The following ZBTB16 variants were observed in gnomAD, a reference collection of about 807,000 sequenced individuals.
The protein encoded by ZBTB16 is zinc finger and BTB domain containing 16.
A neutral mutation model predicts 56.8 loss-of-function variants in ZBTB16; 8 were observed. The ratio of observed to expected loss-of-function variants is 0.14; its 90% CI spans 0.08 to 0.25. The LOEUF (loss-of-function observed/expected upper bound fraction) is 0.25. ZBTB16 is among the 10% of genes least tolerant of loss of function. The pLI is 1.00. For missense variants in ZBTB16, 625 were observed against 903.0 expected (o/e 0.69, Z 3.95); for synonymous variants, 363 against 368.5 (o/e 0.98, Z 0.17).
chr11:114,094,081 C>T (rs560848419), intron 2 of ZBTB16, among the ~76,000 whole-genome samples: 18 of 152,138 alleles, frequency 1.2e-4, no homozygotes, highest in African/African-American at 4.1e-4. Context: ...TTTGGGAGGC[C>T]GAGGCAGGTG....
intron 4 of ZBTB16, among the ~76,000 whole-genome samples, chr11:114,209,050 C>T (rs941825233): frequency 6.6e-6 from 1 of 152,142 alleles, no homozygotes; most frequent in Non-Finnish European, 1.5e-5. Context: ...TGAGAACCAA[C>T]CACTTGTGCA....
chr11:114,193,116 T>C (rs1943536134), intron 4 of ZBTB16, among the ~76,000 whole-genome samples: 1 of 152,194 alleles, frequency 6.6e-6, no homozygotes, highest in African/African-American at 2.4e-5. Flanking sequence ...CCTTTTGTTT[T>C]TTCCCCAGAG....
At chr11:114,246,040 G>T (rs1454737192) in intron 5 of ZBTB16, among the ~76,000 whole-genome samples, 1 of 152,128 alleles carries the variant, frequency 6.6e-6, no homozygotes, top group Non-Finnish European at 1.5e-5. Context: ...GGATATGAAA[G>T]GCAAGATGGT....
chr11:114,083,956 T>C (rs900233506), intron 2 of ZBTB16, among the ~76,000 whole-genome samples: 1 of 152,190 alleles, frequency 6.6e-6, no homozygotes, highest in African/African-American at 2.4e-5. Context: ...CTTCTATCAC[T>C]GTTTCATCTG....
chr11:114,236,646 T>A (rs1050352029), intron 4 of ZBTB16, among the ~76,000 whole-genome samples: 1 of 152,222 alleles, frequency 6.6e-6, no homozygotes, highest in African/African-American at 2.4e-5. Flanking sequence ...TGAACTTTCC[T>A]CATCCCTAGC....
intron 2 of ZBTB16, among the ~76,000 whole-genome samples, chr11:114,076,203 C>T (rs552998376): frequency 6.6e-6 from 1 of 152,258 alleles, no homozygotes; most frequent in South Asian, 2.1e-4. Flanking sequence ...GAAATCTGTC[C>T]ATCTGTCTCT....
At chr11:114,142,276 C>T (rs2846026) in intron 2 of ZBTB16, among the ~76,000 whole-genome samples, 33,924 of 151,998 alleles carry the variant, frequency 0.22, 4,860 homozygotes, top group African/African-American at 0.41. Context: ...AAAACTTTTT[C>T]TCCTTCCCAC....
rs115086558 is a variant in ZBTB16 at position 114,164,672 on chromosome 11, G to A, written c.1366+8238G>A. 9.5e-3 allele frequency among the ~76,000 whole-genome samples: 1,440 copies of A among 152,278 alleles called. 17 individuals are homozygous for A. Among genetic ancestry groups the A allele is most frequent in the African/African-American group, 0.032 (1,337 of 41,556 alleles). On this transcript the variant is annotated intron_variant, in intron 3 of 6. Coordinates refer to ENST00000335953, the MANE Select transcript of ZBTB16 (RefSeq NM_006006.6). Reference sequence around the variant, plus strand: ...GGAAGCGTTCTTAGGAGGCCTGGCCGTGCTTTCTCTTGCCCTCAGCCCCAT... The same window carrying A: ...GGAAGCGTTCTTAGGAGGCCTGGCCATGCTTTCTCTTGCCCTCAGCCCCAT...
At chr11:114,240,253 T>C (rs1944674656) in intron 4 of ZBTB16, among the ~76,000 whole-genome samples, 1 of 152,160 alleles carries the variant, frequency 6.6e-6, no homozygotes, top group South Asian at 2.1e-4. Flanking sequence ...GGGCCTTGCC[T>C]GCCTACTAGT....
At chr11:114,091,624 TC>T (rs1343259859) in intron 2 of ZBTB16, among the ~76,000 whole-genome samples, 1 of 133,174 alleles carries the variant, frequency 7.5e-6, no homozygotes, top group African/African-American at 2.6e-5. Flanking sequence ...CTCCCTCCCT[TC>T]CTCCCTTCCT....
intron 2 of ZBTB16, among the ~76,000 whole-genome samples, chr11:114,082,733 C>T (rs923372174): frequency 9.2e-5 from 14 of 152,032 alleles, no homozygotes; most frequent in Non-Finnish European, 1.8e-4. Flanking sequence ...TGCCACCTCT[C>T]GGTGGGCGGG....
intron 2 of ZBTB16, among the ~76,000 whole-genome samples, chr11:114,091,912 C>T (rs150684451): frequency 2.0e-5 from 3 of 152,284 alleles, no homozygotes; most frequent in Non-Finnish European, 1.5e-5. Context: ...TTGATGCTTA[C>T]GAGTCATTGG....
intron 3 of ZBTB16, among the ~76,000 whole-genome samples, chr11:114,175,998 T>TGC (rs1555149109): frequency 2.0e-5 from 3 of 150,458 alleles, no homozygotes; most frequent in Middle Eastern, 3.4e-3. Flanking sequence ...TGTGTGTGTG[T>TGC]GTGCGTGCGT....
intron 4 of ZBTB16, among the ~76,000 whole-genome samples, chr11:114,240,013 A>G (rs1565704138): frequency 6.6e-6 from 1 of 152,232 alleles, no homozygotes; most frequent in African/African-American, 2.4e-5. Context: ...TGAACTGACA[A>G]CATAGATAAG....
intron 1 of ZBTB16, among the ~76,000 whole-genome samples, chr11:114,061,144 G>A (rs1331326223): frequency 2.1e-5 from 3 of 140,902 alleles, no homozygotes; most frequent in South Asian, 2.3e-4. Context: ...GGGTCGCTGG[G>A]AACTGGGGGG....
intron 2 of ZBTB16, among the ~76,000 whole-genome samples, chr11:114,087,854 C>T (rs530249061): frequency 2.0e-5 from 3 of 152,208 alleles, no homozygotes; most frequent in Non-Finnish European, 4.4e-5. Context: ...CCCCTGAAGG[C>T]AGGGACCATC....
At chr11:114,097,319 G>A (rs1940453579) in intron 2 of ZBTB16, among the ~76,000 whole-genome samples, 1 of 152,176 alleles carries the variant, frequency 6.6e-6, no homozygotes, top group South Asian at 2.1e-4. Flanking sequence ...GGAATGGGGA[G>A]TTAAGGTTGA....
At chr11:114,142,213 G>A (rs539810283) in intron 2 of ZBTB16, among the ~76,000 whole-genome samples, 34 of 152,316 alleles carry the variant, frequency 2.2e-4, no homozygotes, top group South Asian at 6.2e-4. Context: ...TAAGGATTAA[G>A]GCATTGTGTG....
rs1944749008 is a variant in ZBTB16 at position 114,243,233 on chromosome 11, T to C, written c.1624+896T>C. Among the ~76,000 whole-genome samples the C allele has an allele frequency of 2.6e-5, 4 of 151,996 alleles. No individual in the cohort carries two copies. The South Asian group carries it at 8.3e-4, about 32-fold the overall frequency. On this transcript the variant is annotated intron_variant, in intron 5 of 6. Coordinates refer to ENST00000335953, the MANE Select transcript of ZBTB16 (RefSeq NM_006006.6). ...TTGTGTGCTGTGTTTGTAGGGAGGG[T>C]TGGGGTCAGGTCTCTATCTGGGTAT... is the stretch of plus-strand genomic sequence containing the variant.
Sources: allele counts gnomAD v4.1 joint callset (sites outside exome capture counted in the v4.1 genomes callset), GRCh38; gene constraint gnomAD v4.1.1; transcripts MANE v1.5; gene names NCBI Gene and HGNC (gene_info 2026-07-23, HGNC 2026-07-21).